CCDC30: variants seen among roughly 807,000 people sequenced by gnomAD.
CCDC30 encodes the protein coiled-coil domain-containing protein 30.
Under a neutral mutation model 100.2 loss-of-function variants are expected in CCDC30, and 70 were observed. That is an observed-to-expected ratio of 0.70 (90% CI 0.58 to 0.85). The LOEUF (loss-of-function observed/expected upper bound fraction) is 0.85, where lower values mean the gene tolerates loss of function less well. CCDC30 is among the 40% of genes least tolerant of loss of function. The probability of loss-of-function intolerance (pLI) is 0.00; values close to 1 mark genes in which losing one functional copy is unlikely to be tolerated. For missense variants in CCDC30, 652 were observed against 771.2 expected, an observed-to-expected ratio of 0.85 and a Z score of 1.83; for synonymous variants, 233 against 269.5, an observed-to-expected ratio of 0.86 and a Z score of 1.33.
At chr1:42,641,796 A>G (rs1185768992) in intron 12 of CCDC30, among the ~76,000 whole-genome samples, 1 of 151,980 alleles carries the variant, frequency 6.6e-6, no homozygotes. Context: ...CAGAGGTTGT[A>G]GTGAGCCGAG....
intron 14 of CCDC30, among the ~76,000 whole-genome samples, 156 bp from the exon 19 acceptor site, chr1:42,645,979 G>A (rs1647849070): frequency 6.6e-6 from 1 of 152,160 alleles, no homozygotes; most frequent in Non-Finnish European, 1.5e-5. Flanking sequence ...ATAGCTTTGC[G>A]ATCCATATTG....
chr1:42,540,736 C>T (rs1245611784), intron 6 of CCDC30, among the ~76,000 whole-genome samples: 2 of 152,008 alleles, frequency 1.3e-5, no homozygotes, highest in African/African-American at 4.8e-5. Context: ...GACATAATCT[C>T]CTTTACCCTT....
chr1:42,565,272 A>G (rs1315748719), intron 6 of CCDC30, among the ~76,000 whole-genome samples: 2 of 152,170 alleles, frequency 1.3e-5, no homozygotes, highest in Non-Finnish European at 2.9e-5. Flanking sequence ...GGGCAAAAAT[A>G]TTTATGGATC....
intron 6 of CCDC30, among the ~76,000 whole-genome samples, chr1:42,540,322 A>G (rs1242754061): frequency 6.6e-6 from 1 of 152,184 alleles, no homozygotes; most frequent in Non-Finnish European, 1.5e-5. Flanking sequence ...TATGTAGAGC[A>G]TAATATACAA....
At chr1:42,491,810 AT>A in intron 4 of CCDC30, 1 of 339,456 alleles carries the variant, frequency 2.9e-6, no homozygotes, top group Non-Finnish European at 5.7e-6. Context: ...TGGTTGATCC[AT>A]TTTCTAAGAA....
chr1:42,504,348 G>C (rs1379476817), intron 6 of CCDC30, among the ~76,000 whole-genome samples: 1 of 152,228 alleles, frequency 6.6e-6, no homozygotes. Flanking sequence ...TTTGGGGCCA[G>C]ATTTCAGGGG....
At chr1:42,597,801 G>A (rs1200836476) in intron 10 of CCDC30, among the ~76,000 whole-genome samples, 1 of 151,536 alleles carries the variant, frequency 6.6e-6, no homozygotes, top group Non-Finnish European at 1.5e-5. Context: ...GGAGGTCTAG[G>A]CGGCAGTGAG....
intron 1 of CCDC30, among the ~76,000 whole-genome samples, chr1:42,479,454 C>G (rs1373754154): frequency 6.6e-6 from 1 of 151,786 alleles, no homozygotes; most frequent in African/African-American, 2.4e-5. Flanking sequence ...CAGAAATAAG[C>G]CCACAAGTAC....
At chr1:42,514,314 C>T (rs1644522481) in intron 6 of CCDC30, among the ~76,000 whole-genome samples, 1 of 152,198 alleles carries the variant, frequency 6.6e-6, no homozygotes, top group African/African-American at 2.4e-5. Context: ...TTCTGAGGAA[C>T]TACCAGACTG....
At chr1:42,456,557 G>T in the CCDC30 span, 3 of 1,464,350 alleles carry the variant, frequency 2.0e-6, no homozygotes, top group Non-Finnish European at 1.8e-6. Flanking sequence ...GCCGGCCGCT[G>T]CGCTGCAGAT....
intron 6 of CCDC30, chr1:42,521,031 T>C (rs569307099): frequency 6.0e-5 from 9 of 149,996 alleles, no homozygotes; most frequent in African/African-American, 2.2e-4. Flanking sequence ...TGGAGTGCAG[T>C]GGTGCAATCT....
At chr1:42,544,800 C>T (rs1450241571) in intron 6 of CCDC30, among the ~76,000 whole-genome samples, 1 of 152,108 alleles carries the variant, frequency 6.6e-6, no homozygotes, top group Non-Finnish European at 1.5e-5. Flanking sequence ...AGCCATTGCA[C>T]CCGGCCAAGA....
chr1:42,557,442 G>A (rs1191639525), intron 6 of CCDC30, among the ~76,000 whole-genome samples: 3 of 151,962 alleles, frequency 2.0e-5, no homozygotes, highest in African/African-American at 7.2e-5. Context: ...GGCCAGTGTG[G>A]GAGGCTTGAG....
At chr1:42,594,469 G>C (rs1158258958) in intron 10 of CCDC30, 1 of 152,284 alleles carries the variant, frequency 6.6e-6, no homozygotes, top group African/African-American at 2.4e-5. Context: ...AGCTGTGTTT[G>C]TGTCACTGCA....
intron 15 of CCDC30, among the ~76,000 whole-genome samples, chr1:42,649,705 G>A (rs956135052): frequency 2.0e-5 from 3 of 152,082 alleles, no homozygotes; most frequent in Non-Finnish European, 4.4e-5. Flanking sequence ...CCTAAAAACT[G>A]TTAGAACTAA....
At chr1:42,597,632 CAAA>C (rs58717290) in intron 10 of CCDC30, among the ~76,000 whole-genome samples, 1 of 146,690 alleles carries the variant, frequency 6.8e-6, no homozygotes, top group Non-Finnish European at 1.5e-5. Context: ...CCCATCCCTA[CAAA>C]AAAAAAAAGT....
chr1:42,469,632 G>T (rs1643701117), intron 1 of CCDC30, among the ~76,000 whole-genome samples: 1 of 152,214 alleles, frequency 6.6e-6, no homozygotes, highest in South Asian at 2.1e-4. Context: ...AGCAGTATGG[G>T]ATGGGGCCTA....
chr1:42,621,712 T>C (rs1485902478), intron 11 of CCDC30, among the ~76,000 whole-genome samples: 5 of 151,990 alleles, frequency 3.3e-5, no homozygotes, highest in Non-Finnish European at 5.9e-5. Context: ...AGGGTTTCAC[T>C]GTGTTAGCCA....
intron 6 of CCDC30, among the ~76,000 whole-genome samples, chr1:42,540,962 C>T (rs1316943603): frequency 6.6e-6 from 1 of 152,178 alleles, no homozygotes; most frequent in African/African-American, 2.4e-5. Flanking sequence ...TGTCATGTCT[C>T]TATAGCTCCT....
Sources: allele counts gnomAD v4.1 joint callset (sites outside exome capture counted in the v4.1 genomes callset), GRCh38; gene constraint gnomAD v4.1.1; transcripts MANE v1.5; gene names NCBI Gene and HGNC (gene_info 2026-07-23, HGNC 2026-07-21).